The following INPPL1 variants were observed in gnomAD, a reference collection of about 807,000 sequenced individuals.
INPPL1 encodes the protein inositol polyphosphate phosphatase like 1.
INPPL1 carries 91 observed loss-of-function variants against 139.3 expected under a neutral mutation model. That is an observed-to-expected ratio of 0.65 (90% CI 0.55 to 0.78). INPPL1 has a LOEUF of 0.78. Among genes scored for constraint, INPPL1 ranks in the 30% least tolerant of loss-of-function variants. INPPL1 has a pLI of 0.00. For missense variants in INPPL1, 1,411 were observed against 1,665.6 expected (o/e 0.85, Z 2.66); for synonymous variants, 719 against 686.6 (o/e 1.05, Z -0.74).
rs750672173 is a variant in INPPL1 at position 72,238,390 on chromosome 11, C to T, written c.*37C>T. 2 of 1,490,232 alleles carry T rather than the reference C, an allele frequency of 1.3e-6. No individual in the cohort carries two copies. Among genetic ancestry groups the T allele is most frequent in the Non-Finnish European group, 1.8e-6 (2 of 1,116,488 alleles). The allele number at this position is 1,490,232 out of a possible 1,614,324, so 92.3% of individuals were successfully genotyped here. On this transcript the variant is annotated 3_prime_UTR_variant, in exon 28 of 28. Transcript: ENST00000298229. ...CCACGAAGCTGTGAACTCAGAGCCC[C>T]TCCCTGCTACCAAGGCCCAGCTATG...
In INPPL1 at chr11:72,234,638, T is replaced by G; in HGVS notation, c.2415+23T>G. On this transcript the variant is annotated intron_variant, in intron 21 of 27. Coordinates refer to ENST00000298229, the MANE Select transcript of INPPL1 (RefSeq NM_001567.4). The surrounding 1 kb of genome is among the most constrained non-coding windows in gnomAD (Gnocchi z 4.2). ...ACGGTGAGGCTGTGGGCAGGGCCCC[T>G]GCTTATGGGTGAGGGCACAGAGAGG... is the stretch of plus-strand genomic sequence containing the variant. 6.4e-7 allele frequency: 1 copy of G among 1,566,516 alleles called. No individual in the cohort carries two copies. Among genetic ancestry groups the G allele is most frequent in the Non-Finnish European group, 8.8e-7 (1 of 1,137,710 alleles).
upstream of INPPL1, among the ~76,000 whole-genome samples, chr11:72,224,615 C>G (rs1200799775): frequency 6.8e-6 from 1 of 146,348 alleles, no homozygotes; most frequent in African/African-American, 2.6e-5. Flanking sequence ...CTGGGAGGTC[C>G]CGGGCCCTTC....
At chr11:72,232,176 A>C in intron 13 of INPPL1, 64 bp from the exon 14 acceptor site, 4 of 1,295,202 alleles carry the variant, frequency 3.1e-6, no homozygotes, top group Non-Finnish European at 4.4e-6. Context: ...TTTGAGAGGC[A>C]GAAGGGAGAG....
At chr11:72,226,177 C>CTT (rs772547413) in intron 1 of INPPL1, among the ~76,000 whole-genome samples, 53 of 129,788 alleles carry the variant, frequency 4.1e-4, no homozygotes, top group Non-Finnish European at 6.0e-4. Flanking sequence ...CAGGGGAGAC[C>CTT]TTTTTTTTTT....
In INPPL1 at chr11:72,228,416, C is replaced by G. The variant is rs1046707024; in HGVS notation, c.315C>G (p.Pro105=). ...LGELIGLYAQ[P]NQGLVCALLL... Reference sequence around the variant, plus strand: ...AGCTCATCGGCCTGTACGCCCAGCCCAACCAGGGCCTTGTGTGCGCCCTGC... The same window carrying G: ...AGCTCATCGGCCTGTACGCCCAGCCGAACCAGGGCCTTGTGTGCGCCCTGC... The change falls in exon 3 of 28, where the codon CCC becomes CCG. Residue 105 remains proline, a synonymous_variant. Coordinates refer to ENST00000298229, the MANE Select transcript of INPPL1 (RefSeq NM_001567.4). The surrounding 1 kb of genome is among the most constrained non-coding windows in gnomAD (Gnocchi z 5.0). 1.2e-6 allele frequency: 2 copies of G among 1,613,012 alleles called. No individual in the cohort carries two copies. Among genetic ancestry groups the G allele is most frequent in the Middle Eastern group, 1.7e-4 (1 of 5,974 alleles).
intron 16 of INPPL1, 49 bp from the exon 17 acceptor site, chr11:72,233,026 T>C (rs1279267893): frequency 1.2e-6 from 2 of 1,609,062 alleles, no homozygotes; most frequent in Admixed American, 1.7e-5. Context: ...ACTTGCAGTA[T>C]CCCTGGGTGT....
Position 72,229,190 on chromosome 11 carries a change from C to T in INPPL1, c.619C>T (p.Leu207Phe), listed in dbSNP as rs1457469489. ...GGGTGGAGCCAGCCACCTGCCCCACCTCACCCGTACCCTCGCTACCTCATG... is the reference window on the plus strand; with the variant it reads ...GGGTGGAGCCAGCCACCTGCCCCACTTCACCCGTACCCTCGCTACCTCATG... ...VRGGASHLPHLTRTLATSCRR... is the reference protein window; with the variant it reads ...VRGGASHLPHFTRTLATSCRR... The change falls in exon 5 of 28, where the codon CTC becomes TTC. Residue 207 changes from leucine (L) to phenylalanine (F), a missense_variant. Transcript: ENST00000298229. 2 of 1,613,590 alleles carry T rather than the reference C, an allele frequency of 1.2e-6. No individual in the cohort carries two copies. Among genetic ancestry groups the T allele is most frequent in the Non-Finnish European group, 8.5e-7 (1 of 1,179,784 alleles).
At position 72,232,353 on chromosome 11, in the gene INPPL1, C is replaced by T. The variant is rs1338859533; in HGVS notation, c.1712+17C>T. The T allele has an allele frequency of 6.5e-7, 1 of 1,546,460 alleles. No homozygotes were observed. The highest frequency in any genetic ancestry group is 2.0e-5 in the Admixed American group (1 of 50,996). ...GACGGCTCGGTGAGGGGGCGCCTTT[C>T]CCATGGTCTCTTTACACCCATCCCA... On this transcript the variant is annotated intron_variant, in intron 14 of 27. Transcript: ENST00000298229.
chr11:72,234,381 T>C lies in INPPL1; in HGVS notation c.2313T>C (p.Ser771=). The C allele has an allele frequency of 6.2e-7, 1 of 1,614,012 alleles. No individual in the cohort carries two copies. The highest frequency in any genetic ancestry group is 1.1e-5 in the South Asian group (1 of 91,086). ...CCAAGTTCTTCATCGAGTTCTACTC[T>C]ACCTGCCTGGAGGGTCAGAGGCGTG... is the stretch of plus-strand genomic sequence containing the variant. The part of the protein sequence containing the change: ...SRTKFFIEFY[S]TCLEEYKKSF... The change falls in exon 20 of 28, where the codon TCT becomes TCC. Residue 771 remains serine (S), a synonymous_variant. Transcript: ENST00000298229. The surrounding 1 kb of genome is among the most constrained non-coding windows in gnomAD (Gnocchi z 4.2).
chr11:72,227,849 G>A (rs1210882284), intron 1 of INPPL1: 2 of 379,514 alleles, frequency 5.3e-6, no homozygotes, highest in Admixed American at 3.9e-5. Flanking sequence ...CTGGCGGGGA[G>A]CCCAGACTGG....
chr11:72,232,156 T>C, intron 13 of INPPL1, 84 bp from the exon 14 acceptor site: 2 of 1,095,958 alleles, frequency 1.8e-6, no homozygotes, highest in Non-Finnish European at 2.7e-6. Context: ...GAGGATCCTC[T>C]CACTGCAGCT....
rs1948633341 is a variant in INPPL1 at position 72,225,179 on chromosome 11, G to T, written c.182+13G>T. 8.2e-7 allele frequency: 1 copy of T among 1,226,758 alleles called. No homozygotes were observed. The highest frequency in any genetic ancestry group is 1.0e-6 in the Non-Finnish European group (1 of 983,928). The allele number at this position is 1,226,758 out of a possible 1,614,324, so 76.0% of individuals were successfully genotyped here. Reference sequence around the variant, plus strand: ...CGCTCTGCGTCCTGTGAGTGGGGCGGGGGCTCCTTGCGGGCTGGCGTGGAC... The same window carrying T: ...CGCTCTGCGTCCTGTGAGTGGGGCGTGGGCTCCTTGCGGGCTGGCGTGGAC... On this transcript the variant is annotated intron_variant, in intron 1 of 27. Transcript: ENST00000298229.
At position 72,228,923 on chromosome 11, in the gene INPPL1, G is replaced by C; in HGVS notation, c.518+76G>C. 2.0e-6 allele frequency: 3 copies of C among 1,519,492 alleles called. No individual in the cohort carries two copies. The South Asian group carries it at 3.9e-5, about 20-fold the overall frequency. The allele number at this position is 1,519,492 out of a possible 1,614,324, so 94.1% of individuals were successfully genotyped here. On this transcript the variant is annotated intron_variant, in intron 4 of 27. Coordinates refer to ENST00000298229, the MANE Select transcript of INPPL1 (RefSeq NM_001567.4). This position sits in a 1 kb window ranked among gnomAD's most constrained non-coding sequence, Gnocchi z 5.0. Reference sequence around the variant, plus strand: ...ACTATTTCCCTACCAAAGGTGGGGAGGCCTTCTAAGACCCCACCAGGGACC... The same window carrying C: ...ACTATTTCCCTACCAAAGGTGGGGACGCCTTCTAAGACCCCACCAGGGACC...
chr11:72,225,124 G>A lies in INPPL1; in HGVS notation c.140G>A (p.Arg47Gln). 8.1e-7 allele frequency: 1 copy of A among 1,234,208 alleles called. No individual in the cohort carries two copies. Among genetic ancestry groups the A allele is most frequent in the Non-Finnish European group, 1.0e-6 (1 of 989,178 alleles). 76.5% of individuals were successfully genotyped at this position (1,234,208 alleles called of 1,614,324 possible). ...RAGRDGSFLV[R>Q]DSESVAGAFA... ...GGCCGCGATGGCAGCTTCCTGGTCC[G>A]AGACAGCGAGAGCGTGGCGGGGGCC... Residue 47 changes from arginine to glutamine, a missense_variant, in exon 1 of 28, where the codon CGA becomes CAA. Physicochemically the swap from Arg to Gln is conservative, Grantham distance 43. Coordinates refer to ENST00000298229, the MANE Select transcript of INPPL1 (RefSeq NM_001567.4).
At position 72,233,057 on chromosome 11, in the gene INPPL1, G is replaced by A. The variant is rs1948880549; in HGVS notation, c.1952-18G>A. ...GGTGTCAGGGCCCTGAACCCCACCT[G>A]TCTCCTGCTTTCCTTAGGTGAGGAG... On this transcript the variant is annotated intron_variant, in intron 16 of 27. Transcript: ENST00000298229. 1.1e-5 allele frequency: 18 copies of A among 1,613,048 alleles called. No homozygotes were observed. Among genetic ancestry groups the A allele is most frequent in the Non-Finnish European group, 1.5e-5 (18 of 1,179,228 alleles).
intron 7 of INPPL1, 65 bp downstream of exon 7, chr11:72,229,817 T>A: frequency 6.4e-7 from 1 of 1,563,406 alleles, no homozygotes; most frequent in Non-Finnish European, 8.8e-7. Flanking sequence ...AGCACTGATC[T>A]CAACCCTCAG....
In INPPL1 at chr11:72,239,112, A is replaced by G. The variant is rs1484987477; in HGVS notation, c.*759A>G. 1 of 152,182 alleles carries G rather than the reference A, an allele frequency of 6.6e-6. No homozygotes were observed. The highest frequency in any genetic ancestry group is 1.5e-5 in the Non-Finnish European group (1 of 68,058). The allele number at this position is 152,182 out of a possible 1,614,324, so 9.4% of individuals were successfully genotyped here. A position where few individuals can be genotyped will look rare whatever the true frequency, so the allele number is the denominator to read the frequency against. On this transcript the variant is annotated 3_prime_UTR_variant, in exon 28 of 28. Transcript: ENST00000298229. ...AAATTAAGTTTTATTTGGATTGAGT[A>G]AAACTTCAATAAATTACAAGTTTTT...
chr11:72,236,010 C>T (rs761063612), intron 25 of INPPL1, 24 bp downstream of exon 25: 9 of 1,294,648 alleles, frequency 7.0e-6, no homozygotes, highest in Middle Eastern at 5.1e-4. Context: ...CCTGTCACCG[C>T]CCCCCCTTCC....
chr11:72,223,767 G>A (rs1948582683), upstream of INPPL1: 1 of 151,586 alleles, frequency 6.6e-6, no homozygotes, highest in Non-Finnish European at 1.5e-5. Context: ...AGGTCACCCA[G>A]TGGGCCAGCG....
Sources: gnomAD v4.1 joint callset for allele counts (sites outside exome capture counted in the v4.1 genomes callset) on GRCh38, gnomAD v4.1.1 for gene constraint, Gnocchi (gnomAD v3.1) non-coding constraint, MANE v1.5 for transcripts, NCBI Gene and HGNC (gene_info 2026-07-23, HGNC 2026-07-21) for gene names.